TNFSF4: variants seen among roughly 807,000 people sequenced by gnomAD.
The protein encoded by TNFSF4 is tumor necrosis factor ligand superfamily member 4.
In TNFSF4, 4 loss-of-function variants were observed where a neutral mutation model predicts 7.3. That is an observed-to-expected ratio of 0.55 (90% confidence interval 0.27 to 1.25). The LOEUF (loss-of-function observed/expected upper bound fraction) is 1.25, where lower values mean the gene tolerates loss of function less well. TNFSF4 is among the 50% of genes most tolerant of loss of function. The probability of loss-of-function intolerance (pLI) is 0.12; values close to 1 mark genes in which losing one functional copy is unlikely to be tolerated. For missense variants in TNFSF4, 181 were observed against 208.8 expected, an observed-to-expected ratio of 0.87 and a Z score of 0.82; for synonymous variants, 76 against 83.7, an observed-to-expected ratio of 0.91 and a Z score of 0.50.
the TNFSF4 span, among the ~76,000 whole-genome samples, chr1:173,415,008 C>T: frequency 3.6e-4 from 55 of 152,320 alleles, no homozygotes; most frequent in African/African-American, 1.3e-3. Context: ...TCCAATCAAG[C>T]TCCTCTTCCT....
upstream of TNFSF4, among the ~76,000 whole-genome samples, chr1:173,209,582 G>A (rs1358233149): frequency 6.6e-6 from 1 of 152,132 alleles, no homozygotes; most frequent in African/African-American, 2.4e-5. Context: ...ATAGCTCACT[G>A]TAATCCGGAA....
At chr1:173,245,711 T>G in the TNFSF4 span, among the ~76,000 whole-genome samples, 2 of 152,182 alleles carry the variant, frequency 1.3e-5, no homozygotes, top group East Asian at 3.9e-4. Flanking sequence ...ACTGTAACTT[T>G]TTACCTGTTG....
At chr1:173,306,540 T>C in the TNFSF4 span, among the ~76,000 whole-genome samples, 3 of 152,046 alleles carry the variant, frequency 2.0e-5, no homozygotes, top group East Asian at 3.9e-4. Context: ...ATGTCAGTTG[T>C]TTCTTTCCTG....
chr1:173,194,051 C>G (rs1649594777), intron 1 of TNFSF4, among the ~76,000 whole-genome samples: 1 of 152,114 alleles, frequency 6.6e-6, no homozygotes, highest in Non-Finnish European at 1.5e-5. Flanking sequence ...TACAAGTAAC[C>G]AAGGTTCAGA....
the TNFSF4 span, among the ~76,000 whole-genome samples, chr1:173,302,747 CT>C: frequency 9.5e-5 from 5 of 52,508 alleles, no homozygotes; most frequent in Non-Finnish European, 1.6e-4. Flanking sequence ...GTCATCAACT[CT>C]TTCTTTTTTT....
At chr1:173,404,777 A>G in the TNFSF4 span, among the ~76,000 whole-genome samples, 1 of 152,018 alleles carries the variant, frequency 6.6e-6, no homozygotes. Context: ...GATTACAGGC[A>G]TGCACCACCA....
chr1:173,280,571 C>A, the TNFSF4 span, among the ~76,000 whole-genome samples: 1 of 152,220 alleles, frequency 6.6e-6, no homozygotes, highest in Middle Eastern at 3.4e-3. Context: ...CACTACCTAA[C>A]AACGACAAGT....
At chr1:173,362,968 ACTT>A in the TNFSF4 span, 2,335 of 304,774 alleles carry the variant, frequency 7.7e-3, 51 homozygotes, top group African/African-American at 0.052. Context: ...TGTGGTTTTG[ACTT>A]TTTTTAAAAT....
the TNFSF4 span, among the ~76,000 whole-genome samples, chr1:173,293,079 C>T: frequency 6.6e-6 from 1 of 151,986 alleles, no homozygotes; most frequent in African/African-American, 2.4e-5. Context: ...AAGCAATTTA[C>T]TGATTTAATA....
At chr1:173,228,671 A>T in the TNFSF4 span, among the ~76,000 whole-genome samples, 1 of 152,220 alleles carries the variant, frequency 6.6e-6, no homozygotes, top group South Asian at 2.1e-4. Flanking sequence ...AAAGAAGCTT[A>T]AAAACCTTGA....
At chr1:173,364,584 A>G in the TNFSF4 span, among the ~76,000 whole-genome samples, 1 of 152,194 alleles carries the variant, frequency 6.6e-6, no homozygotes, top group African/African-American at 2.4e-5. Context: ...TTGCAATTTT[A>G]AAAATCAACA....
At chr1:173,317,348 T>C in the TNFSF4 span, among the ~76,000 whole-genome samples, 1 of 152,212 alleles carries the variant, frequency 6.6e-6, no homozygotes, top group African/African-American at 2.4e-5. Flanking sequence ...ATCTGTATGG[T>C]CATTTGATTA....
chr1:173,392,140 C>T, the TNFSF4 span, among the ~76,000 whole-genome samples: 4 of 152,168 alleles, frequency 2.6e-5, no homozygotes, highest in African/African-American at 9.7e-5. Flanking sequence ...ACCTCAGAGT[C>T]GAAAGGCCTG....
the TNFSF4 span, chr1:173,362,776 G>A: frequency 2.4e-6 from 1 of 413,390 alleles, no homozygotes; most frequent in African/African-American, 2.1e-5. Flanking sequence ...GAACACTAAT[G>A]ACTGATCACT....
chr1:173,232,119 T>C, the TNFSF4 span, among the ~76,000 whole-genome samples: 3 of 152,170 alleles, frequency 2.0e-5, no homozygotes, highest in Admixed American at 6.5e-5. Flanking sequence ...GTTCTTCCGT[T>C]TGCTTGTGTC....
the TNFSF4 span, among the ~76,000 whole-genome samples, chr1:173,417,331 GGTAACAAAT>G: frequency 6.6e-6 from 1 of 152,144 alleles, no homozygotes; most frequent in Admixed American, 6.5e-5. Context: ...GATGTTATGA[GGTAACAAAT>G]GTAAAGCTCT....
the TNFSF4 span, among the ~76,000 whole-genome samples, chr1:173,231,661 G>A: frequency 2.0e-5 from 3 of 152,256 alleles, no homozygotes; most frequent in South Asian, 6.2e-4. Context: ...TAGGAAAAGA[G>A]GAAGTCAAAT....
At chr1:173,290,759 CCAA>C in the TNFSF4 span, among the ~76,000 whole-genome samples, 1 of 152,090 alleles carries the variant, frequency 6.6e-6, no homozygotes, top group Non-Finnish European at 1.5e-5. Flanking sequence ...AATACTCCAC[CCAA>C]CAACAACAGA....
the TNFSF4 span, among the ~76,000 whole-genome samples, chr1:173,300,132 TA>T: frequency 8.8e-6 from 1 of 113,036 alleles, no homozygotes; most frequent in African/African-American, 3.2e-5. Context: ...GATAGATAGA[TA>T]GATAGATAAT....
Sources: gnomAD v4.1 joint callset for allele counts (sites outside exome capture counted in the v4.1 genomes callset) on GRCh38, gnomAD v4.1.1 for gene constraint, MANE v1.5 for transcripts, NCBI Gene and HGNC (gene_info 2026-07-23, HGNC 2026-07-21) for gene names.